The following OSBPL10 variants were observed in gnomAD, a reference collection of about 807,000 sequenced individuals.
OSBPL10 encodes the protein oxysterol-binding protein-related protein 10.
A neutral mutation model predicts 81.7 loss-of-function variants in OSBPL10; 49 were observed. The observed-to-expected ratio is 0.60, with a 90% CI of 0.48 to 0.76. The LOEUF is 0.76. Ranked by LOEUF, OSBPL10 falls within the 30% of genes least tolerant of loss-of-function variation. The probability of loss-of-function intolerance (pLI) is 0.00; values close to 1 mark genes in which losing one functional copy is unlikely to be tolerated. For missense variants in OSBPL10, 923 were observed against 987.8 expected (o/e 0.93, Z 0.88); for synonymous variants, 419 against 383.6 (o/e 1.09, Z -1.08).
chr3:31,904,611 A>G (rs1696349405), intron 1 of OSBPL10, among the ~76,000 whole-genome samples: 1 of 152,188 alleles, frequency 6.6e-6, no homozygotes, highest in South Asian at 2.1e-4. Context: ...TCCACAGAGT[A>G]AAAACACAAA....
Position 31,661,091 on chromosome 3 carries a change from A to G in OSBPL10, c.*981T>C, listed in dbSNP as rs1028932398. The G allele has an allele frequency of 1.6e-4, 25 of 152,760 alleles. No individual in the cohort carries two copies. Among genetic ancestry groups the G allele is most frequent in the Non-Finnish European group, 5.9e-5 (4 of 68,032 alleles). The allele number at this position is 152,760 out of a possible 1,614,324, so 9.5% of individuals were successfully genotyped here. A position where few individuals can be genotyped will look rare whatever the true frequency, so the allele number is the denominator to read the frequency against. On this transcript the variant is annotated 3_prime_UTR_variant, in exon 12 of 12. Coordinates refer to ENST00000396556, the MANE Select transcript of OSBPL10 (RefSeq NM_017784.5). ...ACTGAAATTTAACTGAAACCATGGAATATTTATGCAGGCGTTATGTATGTT... is the reference window on the plus strand; with the variant it reads ...ACTGAAATTTAACTGAAACCATGGAGTATTTATGCAGGCGTTATGTATGTT...
At position 31,876,473 on chromosome 3, in the gene OSBPL10, AGCTGAGTC is replaced by A. The variant is rs759172891; in HGVS notation, c.489_496del (p.Thr164SerfsTer13). The A allele has an allele frequency of 1.2e-5, 20 of 1,613,702 alleles. No homozygotes were observed. The highest frequency in any genetic ancestry group is 1.7e-6 in the Non-Finnish European group (2 of 1,179,676). On this transcript the variant is annotated frameshift_variant, in exon 3 of 12. Coordinates refer to ENST00000396556, the MANE Select transcript of OSBPL10 (RefSeq NM_017784.5). LOFTEE classifies it high-confidence loss of function. ...CATGTGGTATTTGGCACAAGCTCGA[AGCTGAGTC>A]ACCCAGAATTGTTTCTCTTTTGCAT...
intron 1 of OSBPL10, among the ~76,000 whole-genome samples, chr3:31,925,639 C>T (rs1397942627): frequency 6.6e-6 from 1 of 152,002 alleles, no homozygotes; most frequent in African/African-American, 2.4e-5. Context: ...GTGGTGAACC[C>T]CCGTCTCTAC....
chr3:32,062,074 G>C lies in OSBPL10; in HGVS notation n.185+15322C>G, dbSNP rs942863837. On this transcript the variant is annotated intron_variant and non_coding_transcript_variant, in intron 1 of 3. Coordinates refer to the OSBPL10 transcript ENST00000479173. ...TTTATAAGGTTCTCTTTAATCTATG[G>C]TATGGTTTATTGGTTTTTTGTTGTT... Among the ~76,000 whole-genome samples, 2 of 53,746 alleles carry C rather than the reference G, an allele frequency of 3.7e-5. 1 individual carries two copies. The highest frequency in any genetic ancestry group is 1.3e-4 in the Non-Finnish European group (2 of 15,872). The allele number at this position is 53,746 out of a possible 152,430, so 35.3% of individuals were successfully genotyped here. A position where few individuals can be genotyped will look rare whatever the true frequency, so the allele number is the denominator to read the frequency against.
intron 1 of OSBPL10, among the ~76,000 whole-genome samples, chr3:31,930,714 G>A (rs943133594): frequency 6.6e-6 from 1 of 151,952 alleles, no homozygotes; most frequent in Non-Finnish European, 1.5e-5. Context: ...TTGCTACTGG[G>A]TAGAATAAAA....
intron 1 of OSBPL10, among the ~76,000 whole-genome samples, chr3:31,963,021 G>T (rs1698210099): frequency 6.6e-6 from 1 of 152,180 alleles, no homozygotes; most frequent in Non-Finnish European, 1.5e-5. Context: ...AAGGAGCCAT[G>T]TGTTTCCTTG....
rs548397368 is a variant in OSBPL10 at position 31,871,122 on chromosome 3, G to A, written c.537+5311C>T. Among the ~76,000 whole-genome samples, 8 of 152,128 alleles carry A rather than the reference G, an allele frequency of 5.3e-5. No homozygotes were observed. In the East Asian group the frequency reaches 7.7e-4, roughly 15 times the overall value. ...AAACCAGCAGTGGCAACCCGTTCCCGTCCCCTTCTGCACTGTAGAAGGTTT... is the reference window on the plus strand; with the variant it reads ...AAACCAGCAGTGGCAACCCGTTCCCATCCCCTTCTGCACTGTAGAAGGTTT... On this transcript the variant is annotated intron_variant, in intron 3 of 11. Coordinates refer to ENST00000396556, the MANE Select transcript of OSBPL10 (RefSeq NM_017784.5).
At chr3:31,663,876 T>C in intron 11 of OSBPL10, 3 of 1,452,424 alleles carry the variant, frequency 2.1e-6, no homozygotes, top group Non-Finnish European at 2.7e-6. Context: ...AGTTCTGCCC[T>C]CCAGAAGGTT....
intron 1 of OSBPL10, among the ~76,000 whole-genome samples, chr3:31,914,648 A>C (rs1696696761): frequency 6.6e-6 from 1 of 152,226 alleles, no homozygotes; most frequent in Admixed American, 6.5e-5. Flanking sequence ...TAGTTACCGC[A>C]AATGAGGTGT....
intron 1 of OSBPL10, among the ~76,000 whole-genome samples, chr3:31,967,800 T>G (rs1308214490): frequency 6.6e-6 from 1 of 152,200 alleles, no homozygotes; most frequent in African/African-American, 2.4e-5. Flanking sequence ...AACAATCATT[T>G]TTATCACACC....
intron 5 of OSBPL10, among the ~76,000 whole-genome samples, chr3:31,740,394 T>C (rs943425523): frequency 6.6e-6 from 1 of 152,192 alleles, no homozygotes; most frequent in African/African-American, 2.4e-5. Flanking sequence ...TAAAGTCACA[T>C]ATTACTTTTA....
At chr3:31,932,830 A>T (rs1434951620) in intron 1 of OSBPL10, among the ~76,000 whole-genome samples, 2 of 152,106 alleles carry the variant, frequency 1.3e-5, no homozygotes, top group South Asian at 2.1e-4. Context: ...AAATGAAAGT[A>T]TTCTCTCATT....
intron 4 of OSBPL10, among the ~76,000 whole-genome samples, chr3:31,749,666 C>A (rs1359455004): frequency 7.9e-5 from 12 of 151,010 alleles, no homozygotes; most frequent in African/African-American, 2.9e-4. Context: ...AATACAAAAC[C>A]TAGCCAGCTG....
intron 3 of OSBPL10, among the ~76,000 whole-genome samples, chr3:31,855,680 T>C (rs1700892838): frequency 6.6e-6 from 1 of 152,210 alleles, no homozygotes; most frequent in South Asian, 2.1e-4. Flanking sequence ...GCAGTGTTTG[T>C]TGAATGCTAC....
chr3:31,990,775 T>A (rs776565053), intron 2 of OSBPL10: 2 of 1,613,408 alleles, frequency 1.2e-6, no homozygotes, highest in East Asian at 2.2e-5. Flanking sequence ...AGAGAAACCT[T>A]ACAAATGTGA....
At chr3:31,675,048 G>T (rs576795483) in intron 8 of OSBPL10, among the ~76,000 whole-genome samples, 1 of 152,280 alleles carries the variant, frequency 6.6e-6, no homozygotes, top group African/African-American at 2.4e-5. Context: ...ATAAGCCAAG[G>T]AGCATCTCTA....
intron 1 of OSBPL10, among the ~76,000 whole-genome samples, chr3:32,048,936 A>T (rs1410309076): frequency 6.6e-6 from 1 of 152,218 alleles, no homozygotes; most frequent in Non-Finnish European, 1.5e-5. Context: ...TGCTCATTAT[A>T]CACTAATTAG....
rs1452943937 is a variant in OSBPL10 at position 31,918,333 on chromosome 3, T to C, written c.282-38503A>G. 7.3e-5 allele frequency among the ~76,000 whole-genome samples: 6 copies of C among 82,566 alleles called. No homozygotes were observed. The Admixed American group carries it at 7.6e-4, about 11-fold the overall frequency. The allele number at this position is 82,566 out of a possible 152,430, so 54.2% of individuals were successfully genotyped here. ...ACTGGAGTTGTTTTTTCTTTTCTTT[T>C]TTTTTTTTTTAAAGAGACAGGGTCT... On this transcript the variant is annotated intron_variant, in intron 1 of 11. Transcript: ENST00000396556.
intron 4 of OSBPL10, among the ~76,000 whole-genome samples, chr3:31,755,864 T>TG (rs1277086853): frequency 1.3e-5 from 2 of 152,188 alleles, no homozygotes; most frequent in Non-Finnish European, 2.9e-5. Context: ...TTTCTGAAGA[T>TG]GGGGGGAGAT....
Sources: gnomAD v4.1 joint callset for allele counts (sites outside exome capture counted in the v4.1 genomes callset) on GRCh38, gnomAD v4.1.1 for gene constraint, MANE v1.5 for transcripts, NCBI Gene and HGNC (gene_info 2026-07-23, HGNC 2026-07-21) for gene names.